The following AKR1B1 variants were observed in gnomAD, a reference collection of about 807,000 sequenced individuals.
AKR1B1 encodes aldo-keto reductase family 1 member B.
A neutral mutation model predicts 40.4 loss-of-function variants in AKR1B1; 22 were observed. The observed-to-expected ratio is 0.54, with a 90% CI of 0.39 to 0.78. AKR1B1 has a LOEUF of 0.78. Ranked by LOEUF, AKR1B1 falls within the 30% of genes least tolerant of loss-of-function variation. The pLI is 0.00. For missense variants in AKR1B1, 357 were observed against 396.7 expected (o/e 0.90, Z 0.85); for synonymous variants, 157 against 149.9 (o/e 1.05, Z -0.35).
At chr7:134,450,182 C>T (rs1171628409) in intron 3 of AKR1B1, among the ~76,000 whole-genome samples, 1 of 152,242 alleles carries the variant, frequency 6.6e-6, no homozygotes, top group East Asian at 1.9e-4. Context: ...CAAGTCCCTT[C>T]AGCCCTGATA....
chr7:134,448,848 G>A, intron 5 of AKR1B1, 149 bp downstream of exon 5: 1 of 966,952 alleles, frequency 1.0e-6, no homozygotes, highest in East Asian at 2.4e-5. Flanking sequence ...CAGATGTGCT[G>A]TGTCATGCTG....
intron 8 of AKR1B1, among the ~76,000 whole-genome samples, chr7:134,447,090 C>T (rs896866210): frequency 6.6e-6 from 1 of 152,168 alleles, no homozygotes; most frequent in Non-Finnish European, 1.5e-5. Context: ...GTGCACAGCA[C>T]GGGGCCCTGG....
chr7:134,443,180 C>A (rs758336702), intron 9 of AKR1B1, among the ~76,000 whole-genome samples: 1 of 152,148 alleles, frequency 6.6e-6, no homozygotes, highest in Non-Finnish European at 1.5e-5. Flanking sequence ...CAGGCTGAAG[C>A]GAGAGGATCA....
chr7:134,455,076 A>G (rs1319129981), intron 1 of AKR1B1, among the ~76,000 whole-genome samples: 3 of 152,138 alleles, frequency 2.0e-5, no homozygotes, highest in African/African-American at 7.2e-5. Flanking sequence ...ACCCCATCCA[A>G]GGATCTTGGG....
In AKR1B1 at chr7:134,442,556, C is replaced by G. The variant is rs1349785954; in HGVS notation, c.*172G>C. ...AAGCAAACTGGAAGAGACTTCTACT[C>G]TACTGACAGGGCTCTTGAGATCCAA... On this transcript the variant is annotated 3_prime_UTR_variant, in exon 10 of 10. Transcript: ENST00000285930. 1 of 618,270 alleles carries G rather than the reference C, an allele frequency of 1.6e-6. No homozygotes were observed. The allele number at this position is 618,270 out of a possible 1,614,324, so 38.3% of individuals were successfully genotyped here.
intron 1 of AKR1B1, among the ~76,000 whole-genome samples, chr7:134,454,919 TG>T (rs1380160110): frequency 3.3e-5 from 5 of 152,236 alleles, no homozygotes; most frequent in Admixed American, 6.5e-5. Context: ...GAGATGTGCA[TG>T]GACCAGGACT....
At chr7:134,448,365 C>A in intron 6 of AKR1B1, 22 bp downstream of exon 6, 1 of 1,568,492 alleles carries the variant, frequency 6.4e-7, no homozygotes, top group Non-Finnish European at 8.8e-7. Context: ...GACACAGGAG[C>A]ATGAGCCTGT....
At chr7:134,447,264 G>C in intron 8 of AKR1B1, 34 bp downstream of exon 8, 2 of 1,586,406 alleles carry the variant, frequency 1.3e-6, no homozygotes, top group Non-Finnish European at 1.7e-6. Context: ...CCACTCCATG[G>C]AGGAGGGCCA....
At chr7:134,455,944 G>A (rs537691326) in intron 1 of AKR1B1, among the ~76,000 whole-genome samples, 25 of 152,272 alleles carry the variant, frequency 1.6e-4, no homozygotes, top group African/African-American at 6.0e-4. Context: ...GGGCAGAGAT[G>A]GTCTCCCCAT....
chr7:134,457,321 T>C (rs1405774177), intron 1 of AKR1B1, among the ~76,000 whole-genome samples: 1 of 152,206 alleles, frequency 6.6e-6, no homozygotes, highest in African/African-American at 2.4e-5. Flanking sequence ...GTTACATGTA[T>C]ATATCTGTGC....
intron 2 of AKR1B1, 121 bp downstream of exon 2, chr7:134,451,465 C>T (rs894678736): frequency 1.6e-6 from 2 of 1,269,196 alleles, no homozygotes; most frequent in African/African-American, 1.5e-5. Context: ...ATACGTTTCC[C>T]CGGGAAGAAT....
At chr7:134,448,298 A>G (rs1271612224) in intron 6 of AKR1B1, 89 bp downstream of exon 6, 1 of 1,281,562 alleles carries the variant, frequency 7.8e-7, no homozygotes, top group Non-Finnish European at 1.1e-6. Flanking sequence ...TCACCCCCAG[A>G]AACATCTTCC....
intron 1 of AKR1B1, among the ~76,000 whole-genome samples, chr7:134,452,942 C>A (rs1806335058): frequency 2.0e-5 from 3 of 152,182 alleles, no homozygotes; most frequent in Non-Finnish European, 4.4e-5. Context: ...GAGGGGACGA[C>A]CCTCAGAGGA....
rs1246337035 is a variant in AKR1B1 at position 134,442,546 on chromosome 7, G to C, written c.*182C>G. ...AAGAAGGGCAAAGCAAACTGGAAGA[G>C]ACTTCTACTCTACTGACAGGGCTCT... is the stretch of plus-strand genomic sequence containing the variant. On this transcript the variant is annotated 3_prime_UTR_variant, in exon 10 of 10. Coordinates refer to ENST00000285930, the MANE Select transcript of AKR1B1 (RefSeq NM_001628.4). The C allele has an allele frequency of 1.7e-6, 1 of 594,644 alleles. No individual in the cohort carries two copies. The highest frequency in any genetic ancestry group is 3.0e-6 in the Non-Finnish European group (1 of 330,250). 36.8% of individuals were successfully genotyped at this position (594,644 alleles called of 1,614,324 possible).
rs1282515702 is a variant in AKR1B1 at position 134,457,380 on chromosome 7, C to T, written c.66+1617G>A. 2.0e-5 allele frequency among the ~76,000 whole-genome samples: 3 copies of T among 152,198 alleles called. No individual in the cohort carries two copies. In the East Asian group the frequency reaches 5.8e-4, roughly 29 times the overall value. ...TTGCTATTGCCAAGAAAGCATCCTTCTGCATCCATTCCAAGAGCATAACAT... is the reference window on the plus strand; with the variant it reads ...TTGCTATTGCCAAGAAAGCATCCTTTTGCATCCATTCCAAGAGCATAACAT... On this transcript the variant is annotated intron_variant, in intron 1 of 9. Transcript: ENST00000285930.
chr7:134,458,718 A>G (rs1053345160), intron 1 of AKR1B1, among the ~76,000 whole-genome samples: 40 of 152,244 alleles, frequency 2.6e-4, no homozygotes, highest in African/African-American at 9.6e-4. Context: ...CCGCCCATCA[A>G]GGGTTGCCCG....
intron 8 of AKR1B1, among the ~76,000 whole-genome samples, 173 bp downstream of exon 8, chr7:134,447,125 C>T (rs778328811): frequency 1.3e-5 from 2 of 152,192 alleles, no homozygotes; most frequent in African/African-American, 2.4e-5. Flanking sequence ...CCCCTGCACA[C>T]GGCTCCACTG....
rs146371299 is a variant in AKR1B1, at chr7:134,448,580, C to A, written c.553-87G>T. On this transcript the variant is annotated intron_variant, in intron 5 of 9. Transcript: ENST00000285930. Reference sequence around the variant, plus strand: ...TGAAGCTTCCTATGCTAAAGTCCCTCCCTACCCCATACAGAAAACTATGTA... The same window carrying A: ...TGAAGCTTCCTATGCTAAAGTCCCTACCTACCCCATACAGAAAACTATGTA... 2.3e-4 allele frequency: 225 copies of A among 994,292 alleles called. 2 individuals carry two copies. In the African/African-American group the frequency reaches 3.0e-3, roughly 13 times the overall value. 61.6% of individuals were successfully genotyped at this position (994,292 alleles called of 1,614,324 possible).
At chr7:134,448,627 G>C (rs1242430666) in intron 5 of AKR1B1, 134 bp from the exon 6 acceptor site, 24 of 745,292 alleles carry the variant, frequency 3.2e-5, no homozygotes, top group Non-Finnish European at 5.3e-5. Flanking sequence ...CTATTTCCCA[G>C]ATAAGCTGTA....
Sources: gnomAD v4.1 joint callset for allele counts (sites outside exome capture counted in the v4.1 genomes callset) on GRCh38, gnomAD v4.1.1 for gene constraint, MANE v1.5 for transcripts, NCBI Gene and HGNC (gene_info 2026-07-23, HGNC 2026-07-21) for gene names.